The following SPTBN5 variants were observed in gnomAD, a reference collection of about 807,000 sequenced individuals.
SPTBN5 encodes the protein spectrin beta chain, non-erythrocytic 5.
In SPTBN5, 513 loss-of-function variants were observed where a neutral mutation model predicts 477.6. The observed-to-expected ratio is 1.07, with a 90% CI of 1.00 to 1.16. The LOEUF (loss-of-function observed/expected upper bound fraction) is 1.16, where lower values mean the gene tolerates loss of function less well. Among genes scored for constraint, SPTBN5 ranks in the 50% most tolerant of loss-of-function variants. SPTBN5 has a pLI of 0.00. For missense variants in SPTBN5, 5,062 were observed against 4,731.8 expected, an observed-to-expected ratio of 1.07 and a Z score of -2.05; for synonymous variants, 2,169 against 2,011.7, an observed-to-expected ratio of 1.08 and a Z score of -2.09.
intron 3 of SPTBN5, among the ~76,000 whole-genome samples, chr15:41,892,059 A>G (rs138420835): frequency 6.6e-6 from 1 of 152,136 alleles, no homozygotes; most frequent in South Asian, 2.1e-4. Context: ...CTGCTCTTGC[A>G]CCTGCTCAGG....
chr15:41,866,818 G>A, intron 36 of SPTBN5, 141 bp downstream of exon 36: 1 of 1,163,718 alleles, frequency 8.6e-7, no homozygotes, highest in African/African-American at 1.6e-5. Flanking sequence ...TAGATCCCAT[G>A]TTCTGGGCTC....
chr15:41,852,161 C>T (rs975809046), intron 62 of SPTBN5, 21 bp downstream of exon 62: 24 of 1,559,850 alleles, frequency 1.5e-5, no homozygotes, highest in Non-Finnish European at 2.1e-5. Flanking sequence ...GGGGTGCCTG[C>T]AGCCCCATAG....
intron 28 of SPTBN5, 29 bp downstream of exon 28, chr15:41,871,753 A>G (rs780977918): frequency 6.6e-7 from 1 of 1,514,534 alleles, no homozygotes; most frequent in South Asian, 1.3e-5. Context: ...GCCTCAGGGC[A>G]CCCTCCTTGA....
intron 17 of SPTBN5, among the ~76,000 whole-genome samples, chr15:41,877,662 G>T (rs111342002): frequency 6.6e-6 from 1 of 152,030 alleles, no homozygotes; most frequent in Non-Finnish European, 1.5e-5. Context: ...AGCCCCCATG[G>T]AGGCTTTGAA....
In SPTBN5 at chr15:41,854,034, A is replaced by G; in HGVS notation, c.9774+16T>C. 6.5e-7 allele frequency: 1 copy of G among 1,547,928 alleles called. No homozygotes were observed. The highest frequency in any genetic ancestry group is 8.7e-7 in the Non-Finnish European group (1 of 1,150,468). Reference sequence around the variant, plus strand: ...GCAGGGGCTCAGACAGGCAGGCTGCAGGGCGTGGGCCTCACCTCCAGGCGC... The same window carrying G: ...GCAGGGGCTCAGACAGGCAGGCTGCGGGGCGTGGGCCTCACCTCCAGGCGC... On this transcript the variant is annotated intron_variant, in intron 57 of 67. Transcript: ENST00000320955.
chr15:41,870,671 C>T, intron 29 of SPTBN5, 111 bp from the exon 30 acceptor site: 1 of 842,358 alleles, frequency 1.2e-6, no homozygotes, highest in East Asian at 2.7e-5. Flanking sequence ...TCGGGACTTG[C>T]CCAAAGCTCC....
chr15:41,887,847 G>A, intron 5 of SPTBN5, 81 bp downstream of exon 5: 1 of 1,403,970 alleles, frequency 7.1e-7, no homozygotes, highest in Non-Finnish European at 9.7e-7. Context: ...AGGGATGTGG[G>A]AGAACGGGTG....
rs1567226682 is a variant in SPTBN5, at chr15:41,882,672, G to C, written c.1959C>G (p.Ala653=). The change falls in exon 10 of 68, where the codon GCC becomes GCG. Residue 653 remains alanine (A), a synonymous_variant. Coordinates refer to ENST00000320955, the MANE Select transcript of SPTBN5 (RefSeq NM_016642.4). ...EFLRNCEEEE[A]WLKECGQRVG... is the part of the protein sequence containing the mutation. ...CCCGCTGTCCGCACTCCTTCAGCCA[G>C]GCTTCCTCCTCCTCACAGTTGCGCA... The C allele has an allele frequency of 6.2e-7, 1 of 1,608,886 alleles. No individual in the cohort carries two copies. The highest frequency in any genetic ancestry group is 2.2e-5 in the East Asian group (1 of 44,792).
chr15:41,850,120 T>G, intron 66 of SPTBN5, 161 bp from the exon 67 acceptor site: 1 of 634,588 alleles, frequency 1.6e-6, no homozygotes, highest in Non-Finnish European at 2.8e-6. Flanking sequence ...GGCTGAGCAC[T>G]TGTGGGCAGG....
chr15:41,877,440 A>G, intron 17 of SPTBN5, 84 bp from the exon 18 acceptor site: 1 of 1,499,076 alleles, frequency 6.7e-7, no homozygotes, highest in South Asian at 1.3e-5. Context: ...GGGTTCACGC[A>G]TCTTGGATCA....
intron 17 of SPTBN5, 32 bp downstream of exon 17, chr15:41,878,310 A>T: frequency 6.2e-7 from 1 of 1,604,808 alleles, no homozygotes; most frequent in Non-Finnish European, 8.5e-7. Flanking sequence ...GTCCCAGCCC[A>T]AAGTGCACCC....
intron 66 of SPTBN5, 155 bp downstream of exon 66, chr15:41,850,699 C>G: frequency 1.4e-6 from 1 of 696,274 alleles, no homozygotes; most frequent in Non-Finnish European, 2.4e-6. Context: ...CTCTCCAGGA[C>G]CTAAATTCTT....
intron 9 of SPTBN5, 68 bp from the exon 10 acceptor site, chr15:41,882,806 G>A: frequency 6.5e-7 from 1 of 1,536,478 alleles, no homozygotes; most frequent in Non-Finnish European, 8.8e-7. Context: ...GTTCCCCTCC[G>A]GGTTTAGACA....
intron 47 of SPTBN5, 61 bp downstream of exon 47, chr15:41,860,525 G>A (rs1007622162): frequency 6.8e-6 from 9 of 1,324,110 alleles, no homozygotes; most frequent in South Asian, 2.2e-5. Flanking sequence ...GGGAAGAACC[G>A]GGATGCCAGA....
rs2066977328 is a variant in SPTBN5, at chr15:41,882,072, C to T, written c.2321G>A (p.Gly774Asp). 2.5e-6 allele frequency: 4 copies of T among 1,569,044 alleles called. No homozygotes were observed. The highest frequency in any genetic ancestry group is 3.4e-6 in the Non-Finnish European group (4 of 1,168,952). Residue 774 changes from glycine to aspartate, a missense_variant, in exon 12 of 68, where the codon GGT (glycine) becomes GAT (aspartate). Coordinates refer to ENST00000320955, the MANE Select transcript of SPTBN5 (RefSeq NM_016642.4). ...RRSSLERASCGQDQAAAETLL... is the reference protein window; with the variant it reads ...RRSSLERASCDQDQAAAETLL... ...GGTCTCGGCGGCCGCCTGGTCCTGA[C>T]CGCAGGACGCTCTCTCCAGCGAGGA...
chr15:41,852,539 G>A (rs1046747329), intron 61 of SPTBN5, 95 bp downstream of exon 61: 156 of 1,406,068 alleles, frequency 1.1e-4, no homozygotes, highest in Non-Finnish European at 5.9e-5. Context: ...AGGCAGGGCC[G>A]GGTGAGGGCT....
At position 41,876,590 on chromosome 15, in the gene SPTBN5, A is replaced by G; in HGVS notation, c.3909T>C (p.Ser1303=). The change falls in exon 20 of 68, where the codon AGT becomes AGC. Residue 1303 remains serine, a synonymous_variant. Coordinates refer to ENST00000320955, the MANE Select transcript of SPTBN5 (RefSeq NM_016642.4). ...CCAGCAACTGCCTCCTCCTCTGCTCACTCCTCCCCTGGAGCCTGGTCCACT... is the reference window on the plus strand; with the variant it reads ...CCAGCAACTGCCTCCTCCTCTGCTCGCTCCTCCCCTGGAGCCTGGTCCACT... ...QAQWTRLQGR[S]EQRRRQLLAS... 1.9e-6 allele frequency: 3 copies of G among 1,587,438 alleles called. 1 individual carries two copies. In the South Asian group the frequency reaches 3.4e-5, roughly 18 times the overall value.
At chr15:41,855,177 C>T in intron 55 of SPTBN5, 47 bp downstream of exon 55, 3 of 1,567,390 alleles carry the variant, frequency 1.9e-6, no homozygotes, top group Middle Eastern at 1.7e-4. Flanking sequence ...GCAGGCCTTC[C>T]TCAGCCTCTG....
chr15:41,890,271 G>T, intron 3 of SPTBN5, 66 bp from the exon 4 acceptor site: 1 of 1,112,936 alleles, frequency 9.0e-7, no homozygotes, highest in Non-Finnish European at 1.3e-6. Context: ...GTCACCAAAA[G>T]CTTAGGGGGC....
Sources: allele counts gnomAD v4.1 joint callset (sites outside exome capture counted in the v4.1 genomes callset), GRCh38; gene constraint gnomAD v4.1.1; transcripts MANE v1.5; gene names NCBI Gene and HGNC (gene_info 2026-07-23, HGNC 2026-07-21).